Variants in SDHAF2 observed in about 807,000 individuals in gnomAD.
SDHAF2 encodes succinate dehydrogenase assembly factor 2, mitochondrial.
A neutral mutation model predicts 18.5 loss-of-function variants in SDHAF2; 21 were observed. The ratio of observed to expected loss-of-function variants is 1.13; its 90% CI spans 0.80 to 1.63. The LOEUF is 1.63. SDHAF2 is among the 40% of genes most tolerant of loss of function. The pLI, the probability that SDHAF2 is intolerant of heterozygous loss-of-function variation, is 0.00. For synonymous variants in SDHAF2, 84 were observed against 70.7 expected (o/e 1.19, Z -0.94); for missense variants, 195 against 200.3 (o/e 0.97, Z 0.16).
intron 3 of SDHAF2, chr11:61,444,465 T>G (rs890298717): frequency 1.3e-5 from 2 of 152,274 alleles, no homozygotes; most frequent in African/African-American, 2.4e-5. Context: ...CTGGGCGTGG[T>G]GGCTCACGCC....
At chr11:61,441,394 G>A (rs1023890259) in intron 3 of SDHAF2, among the ~76,000 whole-genome samples, 2 of 151,846 alleles carry the variant, frequency 1.3e-5, no homozygotes, top group African/African-American at 4.8e-5. Flanking sequence ...GGTGGTGGGC[G>A]CCTGTAATCT....
At position 61,443,327 on chromosome 11, in the gene SDHAF2, G is replaced by A. The variant is rs1291793476; in HGVS notation, c.371-2614G>A. 3.0e-4 allele frequency among the ~76,000 whole-genome samples: 46 copies of A among 152,012 alleles called. 1 individual carries two copies. The highest frequency in any genetic ancestry group is 2.9e-5 in the Non-Finnish European group (2 of 68,026). Reference sequence around the variant, plus strand: ...CATTTTGTCTGCTTTTTCCACTGGCGCCTTTAATATTAGTCATAGTCATTT... The same window carrying A: ...CATTTTGTCTGCTTTTTCCACTGGCACCTTTAATATTAGTCATAGTCATTT... On this transcript the variant is annotated intron_variant, in intron 3 of 3. Transcript: ENST00000301761.
intron 3 of SDHAF2, chr11:61,444,539 CCTGA>C (rs1024041571): frequency 5.9e-5 from 9 of 151,974 alleles, no homozygotes; most frequent in African/African-American, 2.2e-4. Context: ...CCAAGACCAG[CCTGA>C]CTAACACAGT....
intron 1 of SDHAF2, chr11:61,436,618 G>T (rs1861997092): frequency 3.0e-6 from 1 of 337,258 alleles, no homozygotes; most frequent in South Asian, 2.2e-5. Context: ...GGAGCTGGGG[G>T]TTATCTCATG....
intron 1 of SDHAF2, chr11:61,434,152 T>C (rs1861965871): frequency 6.6e-6 from 1 of 151,842 alleles, no homozygotes; most frequent in African/African-American, 2.4e-5. Flanking sequence ...GGATGTCCAC[T>C]TCTTTCCCCA....
At chr11:61,439,753 A>G (rs541748577) in intron 3 of SDHAF2, among the ~76,000 whole-genome samples, 1 of 152,350 alleles carries the variant, frequency 6.6e-6, no homozygotes, top group South Asian at 2.1e-4. Context: ...TGAGATGCGT[A>G]TCCTTGTTGT....
At chr11:61,438,816 G>A (rs567024773) in intron 3 of SDHAF2, among the ~76,000 whole-genome samples, 4 of 152,172 alleles carry the variant, frequency 2.6e-5, no homozygotes, top group East Asian at 1.9e-4. Flanking sequence ...AGGCTGAGGC[G>A]GATGGATCGC....
chr11:61,436,596 A>C (rs1297712162), intron 1 of SDHAF2, among the ~76,000 whole-genome samples: 2 of 152,144 alleles, frequency 1.3e-5, no homozygotes, highest in Non-Finnish European at 2.9e-5. Flanking sequence ...TTTCTGTCTC[A>C]GGTAGAAGCT....
intron 1 of SDHAF2, among the ~76,000 whole-genome samples, chr11:61,436,386 TCTC>T (rs1162380039): frequency 6.6e-6 from 1 of 152,136 alleles, no homozygotes; most frequent in Non-Finnish European, 1.5e-5. Context: ...GTGGGAGTTT[TCTC>T]CTGCTTGTTC....
In SDHAF2 at chr11:61,437,749, C is replaced by T. The variant is rs1179606405; in HGVS notation, c.161C>T (p.Pro54Leu). 1 of 1,614,030 alleles carries T rather than the reference C, an allele frequency of 6.2e-7. No individual in the cohort carries two copies. The highest frequency in any genetic ancestry group is 8.5e-7 in the Non-Finnish European group (1 of 1,179,996). ...QKDMIEIPLP[P>L]WQERTDESIE... ...GACATGATTGAAATCCCTTTGCCTC[C>T]ATGGCAGGAGAGAACTGATGAATCC... Residue 54 changes from proline to leucine, a missense_variant, in exon 2 of 4, where the codon CCA becomes CTA. Coordinates refer to ENST00000301761, the MANE Select transcript of SDHAF2 (RefSeq NM_017841.4).
At chr11:61,438,148 A>G (rs758667844) in intron 3 of SDHAF2, 35 bp downstream of exon 3, 1 of 1,462,690 alleles carries the variant, frequency 6.8e-7, no homozygotes, top group Non-Finnish European at 9.6e-7. Context: ...ATGTGAAAAT[A>G]GGACAGTTTA....
intron 3 of SDHAF2, among the ~76,000 whole-genome samples, chr11:61,438,749 A>G (rs1862028350): frequency 6.6e-6 from 1 of 152,154 alleles, no homozygotes; most frequent in South Asian, 2.1e-4. Flanking sequence ...AAAGCTCCTC[A>G]ATAGTTTCAT....
intron 3 of SDHAF2, among the ~76,000 whole-genome samples, chr11:61,441,884 T>TC (rs1037644660): frequency 9.9e-6 from 1 of 101,186 alleles, no homozygotes; most frequent in Non-Finnish European, 2.2e-5. Flanking sequence ...CCACCACTCC[T>TC]CCCTTTTTTT....
intron 3 of SDHAF2, among the ~76,000 whole-genome samples, chr11:61,441,026 C>G (rs1862059312): frequency 6.6e-6 from 1 of 152,072 alleles, no homozygotes; most frequent in Non-Finnish European, 1.5e-5. Flanking sequence ...CATAGACCCC[C>G]TATCTCCAAA....
chr11:61,440,805 T>C (rs1331708601), intron 3 of SDHAF2, among the ~76,000 whole-genome samples: 3 of 152,282 alleles, frequency 2.0e-5, no homozygotes, highest in East Asian at 3.9e-4. Flanking sequence ...ACGAATATGA[T>C]TGTGTTTCAA....
Position 61,446,391 on chromosome 11 carries a change from C to A in SDHAF2, c.*320C>A. 1 of 595,616 alleles carries A rather than the reference C, an allele frequency of 1.7e-6. No individual in the cohort carries two copies. The highest frequency in any genetic ancestry group is 2.0e-5 in the South Asian group (1 of 48,890). The allele number at this position is 595,616 out of a possible 1,614,324, so 36.9% of individuals were successfully genotyped here. A position where few individuals can be genotyped will look rare whatever the true frequency, so the allele number is the denominator to read the frequency against. On this transcript the variant is annotated 3_prime_UTR_variant, in exon 4 of 4. Transcript: ENST00000301761. ...TGCAGGCGAAGCAGTTGTGCTTGCT[C>A]ATTGCCTCAGCCCAAGTGTACTCAA... is the stretch of plus-strand genomic sequence containing the variant.
intron 3 of SDHAF2, among the ~76,000 whole-genome samples, chr11:61,444,741 C>G (rs531042631): frequency 6.6e-5 from 10 of 151,826 alleles, no homozygotes; most frequent in Admixed American, 2.0e-4. Context: ...AGACTCGTCT[C>G]AAACAAAAAA....
chr11:61,441,995 C>T (rs1248020190), intron 3 of SDHAF2, among the ~76,000 whole-genome samples: 1 of 151,858 alleles, frequency 6.6e-6, no homozygotes, highest in East Asian at 1.9e-4. Context: ...GCGATCCTCC[C>T]ACCTCAGCCT....
intron 1 of SDHAF2, chr11:61,434,544 G>C (rs1861970302): frequency 6.9e-6 from 1 of 145,020 alleles, no homozygotes; most frequent in African/African-American, 2.6e-5. Flanking sequence ...TGTGTATATT[G>C]ATCTCCTTGA....
Sources: gnomAD v4.1 joint callset for allele counts (sites outside exome capture counted in the v4.1 genomes callset) on GRCh38, gnomAD v4.1.1 for gene constraint, MANE v1.5 for transcripts, NCBI Gene and HGNC (gene_info 2026-07-23, HGNC 2026-07-21) for gene names.